PLEKHH2: variants seen among roughly 807,000 people sequenced by gnomAD.
PLEKHH2 encodes pleckstrin homology domain-containing family H member 2.
A neutral mutation model predicts 187.9 loss-of-function variants in PLEKHH2; 129 were observed. That is an observed-to-expected ratio of 0.69 (90% CI 0.59 to 0.79). The LOEUF (loss-of-function observed/expected upper bound fraction) is 0.79, where lower values mean the gene tolerates loss of function less well. Ranked by LOEUF, PLEKHH2 falls within the 30% of genes least tolerant of loss-of-function variation. The probability of loss-of-function intolerance (pLI) is 0.00; values close to 1 mark genes in which losing one functional copy is unlikely to be tolerated. For missense variants in PLEKHH2, 2,076 were observed against 1,751.2 expected (o/e 1.19, Z -3.31); for synonymous variants, 686 against 605.6 (o/e 1.13, Z -1.95).
Position 43,699,677 on chromosome 2 carries a change from AC to A in PLEKHH2, c.721del (p.Gln241LysfsTer3). Reference protein sequence around the residue: ...EMEIPEKSVDNQVLENNRGQR... With the variant: ...EMEIPEKSVDXQVLENNRGQR... ...GAAATTCCAGAAAAGTCTGTTGATAACCAAGTTCTAGAAAACAACAGAGGCC... is the reference window on the plus strand; with the variant it reads ...GAAATTCCAGAAAAGTCTGTTGATAACAAGTTCTAGAAAACAACAGAGGCC... On this transcript the variant is annotated frameshift_variant, in exon 8 of 30. Coordinates refer to ENST00000282406, the MANE Select transcript of PLEKHH2 (RefSeq NM_172069.4). LOFTEE classifies it high-confidence loss of function. The A allele has an allele frequency of 6.2e-7, 1 of 1,613,518 alleles. No individual in the cohort carries two copies. Among genetic ancestry groups the A allele is most frequent in the Non-Finnish European group, 8.5e-7 (1 of 1,179,698 alleles).
chr2:43,677,723 A>T (rs12994462), intron 2 of PLEKHH2, among the ~76,000 whole-genome samples: 1 of 150,054 alleles, frequency 6.7e-6, no homozygotes, highest in Admixed American at 6.6e-5. Flanking sequence ...GTACACCTCC[A>T]AGACGGGGTG....
At position 43,644,272 on chromosome 2, in the gene PLEKHH2, AAAT is replaced by A. The variant is rs556945876; in HGVS notation, c.-3-393_-3-391del. On this transcript the variant is annotated intron_variant, in intron 1 of 29. Coordinates refer to ENST00000282406, the MANE Select transcript of PLEKHH2 (RefSeq NM_172069.4). The stretch of plus-strand genomic sequence containing the variant: ...CAATCTTATCTGTTGGGCACAGCTA[AAAT>A]AATAACACTCTGTGTTTGTGTGGTG... Among the ~76,000 whole-genome samples the A allele has an allele frequency of 8.7e-4, 133 of 152,280 alleles. 1 individual carries two copies. Among genetic ancestry groups the A allele is most frequent in the Admixed American group, 2.0e-3 (30 of 15,290 alleles).
At position 43,688,043 on chromosome 2, in the gene PLEKHH2, C is replaced by T. The variant is rs182302885; in HGVS notation, c.187-4471C>T. 2.6e-3 allele frequency among the ~76,000 whole-genome samples: 403 copies of T among 152,332 alleles called. 1 individual carries two copies. The highest frequency in any genetic ancestry group is 3.9e-3 in the Non-Finnish European group (263 of 68,036). ...CTCAAACTCCTGGGCTCAAGCTGTC[C>T]TCCCTCCTCGGCCTCCCAAAGTGTT... is the stretch of plus-strand genomic sequence containing the variant. On this transcript the variant is annotated intron_variant, in intron 3 of 29. Coordinates refer to ENST00000282406, the MANE Select transcript of PLEKHH2 (RefSeq NM_172069.4).
intron 15 of PLEKHH2, among the ~76,000 whole-genome samples, chr2:43,713,329 A>G (rs1281971033): frequency 3.3e-5 from 5 of 152,138 alleles, no homozygotes; most frequent in Admixed American, 3.3e-4. Flanking sequence ...TTTTGACTCT[A>G]TCAAGATGCA....
intron 19 of PLEKHH2, among the ~76,000 whole-genome samples, chr2:43,734,162 C>G (rs1408715107): frequency 6.6e-6 from 1 of 152,140 alleles, no homozygotes; most frequent in Non-Finnish European, 1.5e-5. Flanking sequence ...GCCTAAAGTA[C>G]TCATCTTTCA....
In PLEKHH2 at chr2:43,697,229, C is replaced by T. The variant is rs1426299508; in HGVS notation, c.561C>T (p.Arg187=). 2 of 1,613,850 alleles carry T rather than the reference C, an allele frequency of 1.2e-6. No individual in the cohort carries two copies. The highest frequency in any genetic ancestry group is 8.5e-7 in the Non-Finnish European group (1 of 1,179,826). ...VSTLKLSEGQ[R]LSSLTFGCFL... is the part of the protein sequence containing the mutation. ...CACTAAAGCTTTCGGAAGGCCAGCG[C>T]CTGAGCAGTTTGACCTTTGGGTGCT... Residue 187 remains arginine (R), a synonymous_variant, in exon 7 of 30, where the codon CGC becomes CGT. Coordinates refer to ENST00000282406, the MANE Select transcript of PLEKHH2 (RefSeq NM_172069.4).
At chr2:43,739,957 T>C (rs1211513998) in intron 20 of PLEKHH2, among the ~76,000 whole-genome samples, 1 of 152,232 alleles carries the variant, frequency 6.6e-6, no homozygotes, top group Admixed American at 6.5e-5. Flanking sequence ...TAATACGTGG[T>C]ATTACCATGT....
Position 43,697,221 on chromosome 2 carries a change from G to C in PLEKHH2, c.553G>C (p.Gly185Arg), listed in dbSNP as rs1669136922. 6.2e-7 allele frequency: 1 copy of C among 1,613,180 alleles called. No homozygotes were observed. The highest frequency in any genetic ancestry group is 8.5e-7 in the Non-Finnish European group (1 of 1,179,600). ...TGTCTCTACACTAAAGCTTTCGGAA[G>C]GCCAGCGCCTGAGCAGTTTGACCTT... is the stretch of plus-strand genomic sequence containing the variant. ...STVSTLKLSE[G>R]QRLSSLTFGC... Residue 185 changes from glycine (G) to arginine (R), a missense_variant, in exon 7 of 30, where the codon GGC (glycine) becomes CGC (arginine). Physicochemically the swap from Gly to Arg is moderately radical, Grantham distance 125 (BLOSUM62 -2). Coordinates refer to ENST00000282406, the MANE Select transcript of PLEKHH2 (RefSeq NM_172069.4).
chr2:43,745,147 C>T (rs1671726934), intron 23 of PLEKHH2, among the ~76,000 whole-genome samples: 2 of 152,032 alleles, frequency 1.3e-5, no homozygotes, highest in South Asian at 2.1e-4. Context: ...AACGCCATTT[C>T]TACTAAAAAT....
At chr2:43,757,401 G>C (rs536168800) in intron 26 of PLEKHH2, 137 bp downstream of exon 26, 1 of 575,116 alleles carries the variant, frequency 1.7e-6, no homozygotes, top group African/African-American at 2.0e-5. Flanking sequence ...AGCCACAGGA[G>C]ATTATAGATT....
chr2:43,692,116 T>G (rs1321511712), intron 3 of PLEKHH2: 2 of 153,528 alleles, frequency 1.3e-5, no homozygotes, highest in Non-Finnish European at 2.9e-5. Context: ...AATACATTAT[T>G]ATACCAGGCC....
At chr2:43,760,378 T>TTC (rs1273496729) in intron 27 of PLEKHH2, among the ~76,000 whole-genome samples, 1 of 149,762 alleles carries the variant, frequency 6.7e-6, no homozygotes, top group Non-Finnish European at 1.5e-5. Context: ...TTTTTTTTTT[T>TTC]TTGAGACGGA....
chr2:43,710,275 G>A lies in PLEKHH2; in HGVS notation c.2159G>A (p.Trp720Ter). Residue 720 changes from tryptophan (W) to a stop codon, truncating the protein, a stop_gained, in exon 13 of 30, where the codon TGG becomes TAG. Coordinates refer to ENST00000282406, the MANE Select transcript of PLEKHH2 (RefSeq NM_172069.4). LOFTEE classifies it high-confidence loss of function. ...LLKMSGKVKSWKRRWFVLKGG... is the reference protein window; with the variant it reads ...LLKMSGKVKS ...AAAATGAGTGGTAAAGTCAAGTCTT[G>A]GAAGCGGCGGTGGTTTGTTCTTAAA... 7 of 1,614,142 alleles carry A rather than the reference G, an allele frequency of 4.3e-6. No individual in the cohort carries two copies. The highest frequency in any genetic ancestry group is 1.3e-5 in the African/African-American group (1 of 75,026).
intron 2 of PLEKHH2, among the ~76,000 whole-genome samples, chr2:43,677,857 G>C (rs529986966): frequency 2.0e-5 from 3 of 147,854 alleles, no homozygotes; most frequent in Middle Eastern, 3.6e-3. Flanking sequence ...CTCCCGGACG[G>C]GGCGGCTGGC....
At chr2:43,719,392 A>G (rs999398397) in intron 15 of PLEKHH2, among the ~76,000 whole-genome samples, 1 of 152,166 alleles carries the variant, frequency 6.6e-6, no homozygotes, top group African/African-American at 2.4e-5. Context: ...GAATGAATGA[A>G]TCTTTTACAT....
chr2:43,687,698 G>C (rs1003964163), intron 3 of PLEKHH2, among the ~76,000 whole-genome samples: 1 of 152,072 alleles, frequency 6.6e-6, no homozygotes, highest in Non-Finnish European at 1.5e-5. Context: ...GTGTGAAATG[G>C]TATCTCATTA....
At chr2:43,755,380 C>T (rs1479521220) in intron 25 of PLEKHH2, among the ~76,000 whole-genome samples, 2 of 152,154 alleles carry the variant, frequency 1.3e-5, no homozygotes, top group Admixed American at 1.3e-4. Flanking sequence ...TCTGTTCTCT[C>T]CTCTGTATGC....
chr2:43,654,716 C>T (rs766870576), intron 2 of PLEKHH2, among the ~76,000 whole-genome samples: 1,786 of 134,024 alleles, frequency 0.013, 30 homozygotes, highest in Non-Finnish European at 0.021. Context: ...CCCCCCCCCC[C>T]GCATCTCTAC....
chr2:43,700,300 A>C lies in PLEKHH2; in HGVS notation c.1342A>C (p.Ser448Arg). The change falls in exon 8 of 30, where the codon AGT becomes CGT. Residue 448 changes from serine to arginine, a missense_variant. Coordinates refer to ENST00000282406, the MANE Select transcript of PLEKHH2 (RefSeq NM_172069.4). ...PPKLRIPNVF[S>R]ISVALAKRHL... The stretch of plus-strand genomic sequence containing the variant: ...AAAGTTAAGGATTCCTAATGTTTTC[A>C]GTATAAGTGTAGCACTAGCCAAAAG... 1 of 1,614,176 alleles carries C rather than the reference A, an allele frequency of 6.2e-7. No homozygotes were observed. Among genetic ancestry groups the C allele is most frequent in the African/African-American group, 1.3e-5 (1 of 75,062 alleles).
Sources: allele counts gnomAD v4.1 joint callset (sites outside exome capture counted in the v4.1 genomes callset), GRCh38; gene constraint gnomAD v4.1.1; transcripts MANE v1.5; gene names NCBI Gene and HGNC (gene_info 2026-07-23, HGNC 2026-07-21).